GTF2H3: variants seen among roughly 807,000 people sequenced by gnomAD.
The protein encoded by GTF2H3 is TFIIH basal transcription factor complex p34 subunit.
Under a neutral mutation model 51.1 loss-of-function variants are expected in GTF2H3, and 42 were observed. The ratio of observed to expected loss-of-function variants is 0.82; its 90% confidence interval spans 0.64 to 1.06. GTF2H3 has a LOEUF of 1.06. Among genes scored for constraint, GTF2H3 ranks in the 50% least tolerant of loss-of-function variants. The pLI, the probability that GTF2H3 is intolerant of heterozygous loss-of-function variation, is 0.00. For synonymous variants in GTF2H3, 123 were observed against 123.8 expected, an observed-to-expected ratio of 0.99 and a Z score of 0.04; for missense variants, 326 against 366.1, an observed-to-expected ratio of 0.89 and a Z score of 0.89.
intron 2 of GTF2H3, among the ~76,000 whole-genome samples, chr12:123,643,890 G>T (rs1955412224): frequency 6.6e-6 from 1 of 152,106 alleles, no homozygotes; most frequent in Non-Finnish European, 1.5e-5. Context: ...GAGTGCAGTG[G>T]CACGATCTCA....
intron 9 of GTF2H3, among the ~76,000 whole-genome samples, chr12:123,656,824 T>C (rs1040718232): frequency 6.6e-6 from 1 of 152,210 alleles, no homozygotes; most frequent in Non-Finnish European, 1.5e-5. Context: ...CAGTGGCTCA[T>C]GCCTATAATC....
Position 123,641,343 on chromosome 12 carries a change from A to G in GTF2H3, c.93+2000A>G, listed in dbSNP as rs182589474. 3.3e-5 allele frequency among the ~76,000 whole-genome samples: 5 copies of G among 151,584 alleles called. No homozygotes were observed. In the East Asian group the frequency reaches 9.7e-4, roughly 30 times the overall value. On this transcript the variant is annotated intron_variant, in intron 2 of 12. Coordinates refer to ENST00000543341, the MANE Select transcript of GTF2H3 (RefSeq NM_001516.5). ...CCGGTTCAAGCGATTCTTCTGCCTC[A>G]GTCTCCCAAGTAGCTGGGACCACAG...
At position 123,655,763 on chromosome 12, in the gene GTF2H3, T is replaced by C; in HGVS notation, c.562-8T>C. 1 of 1,537,370 alleles carries C rather than the reference T, an allele frequency of 6.5e-7. No individual in the cohort carries two copies. The highest frequency in any genetic ancestry group is 9.0e-7 in the Non-Finnish European group (1 of 1,111,128). On this transcript the variant is annotated splice_region_variant and splice_polypyrimidine_tract_variant and intron_variant, in intron 8 of 12. Coordinates refer to ENST00000543341, the MANE Select transcript of GTF2H3 (RefSeq NM_001516.5). ...ATTCCTGTAATATTTTCAAAATGTT[T>C]CTTTTAGAATATTTTGATTGATGCC...
intron 2 of GTF2H3, 26 bp downstream of exon 2, chr12:123,639,369 G>C (rs746901537): frequency 8.4e-7 from 1 of 1,195,098 alleles, no homozygotes; most frequent in Non-Finnish European, 1.2e-6. Flanking sequence ...GAGGCCTTTG[G>C]AGAATTCTGG....
chr12:123,658,534 G>A (rs1955614875), intron 9 of GTF2H3, among the ~76,000 whole-genome samples: 1 of 152,130 alleles, frequency 6.6e-6, no homozygotes, highest in Non-Finnish European at 1.5e-5. Flanking sequence ...GTTTCACTAT[G>A]TTGCTCAGGC....
intron 5 of GTF2H3, among the ~76,000 whole-genome samples, chr12:123,651,984 T>A (rs1955526605): frequency 2.0e-5 from 3 of 152,168 alleles, no homozygotes; most frequent in Admixed American, 1.3e-4. Flanking sequence ...ACATTTTCAT[T>A]TTCTTCTTGA....
At chr12:123,651,463 G>A (rs1355136426) in intron 5 of GTF2H3, among the ~76,000 whole-genome samples, 1 of 151,730 alleles carries the variant, frequency 6.6e-6, no homozygotes, top group East Asian at 1.9e-4. Context: ...CACCCACCTC[G>A]GCCTCTCAAA....
chr12:123,659,672 G>A, intron 10 of GTF2H3, 88 bp downstream of exon 10: 1 of 1,478,030 alleles, frequency 6.8e-7, no homozygotes, highest in Non-Finnish European at 9.4e-7. Context: ...GATGGCTGGT[G>A]CTAGTACTCA....
intron 5 of GTF2H3, among the ~76,000 whole-genome samples, chr12:123,652,160 G>A (rs1955528618): frequency 6.6e-6 from 1 of 152,142 alleles, no homozygotes. Flanking sequence ...TTTTGGAGGA[G>A]GGGCAGTATT....
chr12:123,659,435 A>AG, intron 9 of GTF2H3, 81 bp from the exon 10 acceptor site: 1 of 974,300 alleles, frequency 1.0e-6, no homozygotes, highest in Non-Finnish European at 1.7e-6. Flanking sequence ...TGTAGGCCCA[A>AG]GGCATTGCTC....
At chr12:123,640,783 T>A (rs1955359219) in intron 2 of GTF2H3, among the ~76,000 whole-genome samples, 1 of 152,196 alleles carries the variant, frequency 6.6e-6, no homozygotes, top group Non-Finnish European at 1.5e-5. Context: ...CATAAATTTA[T>A]GTATTTTCTG....
intron 7 of GTF2H3, 107 bp from the exon 8 acceptor site, chr12:123,654,817 A>G (rs1955566241): frequency 1.4e-5 from 11 of 769,314 alleles, no homozygotes; most frequent in Non-Finnish European, 2.3e-5. Flanking sequence ...GATAAATGGG[A>G]AGACAAACTG....
chr12:123,638,463 G>T (rs1303991106), intron 1 of GTF2H3, among the ~76,000 whole-genome samples: 1 of 151,848 alleles, frequency 6.6e-6, no homozygotes, highest in Non-Finnish European at 1.5e-5. Context: ...GAGCCACCGC[G>T]CCCGGCCCTA....
Position 123,655,645 on chromosome 12 carries a change from G to T in GTF2H3, c.562-126G>T, listed in dbSNP as rs1006950424. The stretch of plus-strand genomic sequence containing the variant: ...CAGCTGCCAAATGCAAATATCTGCC[G>T]TGCAGAGTCACGTTGCATATTGAGT... On this transcript the variant is annotated intron_variant, in intron 8 of 12. Coordinates refer to ENST00000543341, the MANE Select transcript of GTF2H3 (RefSeq NM_001516.5). 11 of 632,262 alleles carry T rather than the reference G, an allele frequency of 1.7e-5. 1 individual carries two copies. The highest frequency in any genetic ancestry group is 9.0e-4 in the Middle Eastern group (2 of 2,228). 39.2% of individuals were successfully genotyped at this position (632,262 alleles called of 1,614,324 possible).
intron 2 of GTF2H3, among the ~76,000 whole-genome samples, chr12:123,642,589 T>C (rs545209012): frequency 5.0e-4 from 76 of 152,320 alleles, no homozygotes; most frequent in Non-Finnish European, 4.4e-5. Context: ...GCTGTAGGGA[T>C]TACTGTATGT....
At chr12:123,649,160 G>T (rs939538860) in intron 4 of GTF2H3, 1 of 152,094 alleles carries the variant, frequency 6.6e-6, no homozygotes, top group African/African-American at 2.4e-5. Flanking sequence ...TAGAGATGGG[G>T]TTTCACCATG....
intron 5 of GTF2H3, among the ~76,000 whole-genome samples, chr12:123,652,287 TG>T (rs1387170478): frequency 6.6e-6 from 1 of 152,164 alleles, no homozygotes; most frequent in Non-Finnish European, 1.5e-5. Flanking sequence ...AGTCAAGTGT[TG>T]GGAATTTTAA....
chr12:123,659,715 C>A, intron 10 of GTF2H3, 80 bp from the exon 11 acceptor site: 1 of 1,507,662 alleles, frequency 6.6e-7, no homozygotes, highest in East Asian at 2.3e-5. Flanking sequence ...CTTGGAGTTC[C>A]AAGGCCTAGA....
chr12:123,638,549 A>G (rs997988904), intron 1 of GTF2H3, among the ~76,000 whole-genome samples: 3 of 152,082 alleles, frequency 2.0e-5, no homozygotes, highest in Non-Finnish European at 4.4e-5. Flanking sequence ...AGCTCAAGCC[A>G]TCTGCCTGTC....
Sources: gnomAD v4.1 joint callset for allele counts (sites outside exome capture counted in the v4.1 genomes callset) on GRCh38, gnomAD v4.1.1 for gene constraint, MANE v1.5 for transcripts, NCBI Gene and HGNC (gene_info 2026-07-23, HGNC 2026-07-21) for gene names.